PTPRD: variants seen among roughly 807,000 people sequenced by gnomAD.
PTPRD encodes the protein protein tyrosine phosphatase receptor type D.
In PTPRD, 34 loss-of-function variants were observed where a neutral mutation model predicts 214.5. That is an observed-to-expected ratio of 0.16 (90% CI 0.12 to 0.21). The LOEUF is 0.21. Ranked by LOEUF, PTPRD falls within the 10% of genes least tolerant of loss-of-function variation. The probability of loss-of-function intolerance (pLI) is 1.00; values close to 1 mark genes in which losing one functional copy is unlikely to be tolerated. For missense variants in PTPRD, 2,545 were observed against 2,398.7 expected, an observed-to-expected ratio of 1.06 and a Z score of -1.27; for synonymous variants, 1,128 against 845.7, an observed-to-expected ratio of 1.33 and a Z score of -5.79.
intron 2 of PTPRD, among the ~76,000 whole-genome samples, chr9:10,431,210 G>C (rs647173): frequency 0.018 from 2,675 of 152,016 alleles, 74 homozygotes; most frequent in African/African-American, 0.06. Context: ...CTGTTTGAAA[G>C]GTTTCTTTCC....
chr9:9,867,447 C>T (rs1297348259), intron 5 of PTPRD, among the ~76,000 whole-genome samples: 1 of 151,764 alleles, frequency 6.6e-6, no homozygotes, highest in South Asian at 2.1e-4. Context: ...AGATATTCTG[C>T]ATGATTAAAT....
chr9:8,823,594 T>G (rs1323944897), intron 11 of PTPRD, among the ~76,000 whole-genome samples: 1 of 151,222 alleles, frequency 6.6e-6, no homozygotes, highest in Non-Finnish European at 1.5e-5. Context: ...GAGACTGCAG[T>G]GAGCTGTGAT....
intron 3 of PTPRD, among the ~76,000 whole-genome samples, chr9:10,226,819 T>C (rs2099590417): frequency 2.0e-5 from 3 of 152,056 alleles, no homozygotes; most frequent in Admixed American, 1.3e-4. Context: ...CTCTAACTTA[T>C]GTTTTTTCCA....
intron 2 of PTPRD, among the ~76,000 whole-genome samples, chr9:10,373,031 C>A (rs190684833): frequency 6.6e-6 from 1 of 151,214 alleles, no homozygotes; most frequent in African/African-American, 2.4e-5. Context: ...CAGGGTTTCA[C>A]CATGCCAACC....
intron 2 of PTPRD, among the ~76,000 whole-genome samples, chr9:10,398,944 G>A (rs917257543): frequency 3.3e-5 from 5 of 151,908 alleles, no homozygotes; most frequent in African/African-American, 7.2e-5. Flanking sequence ...GCCAAAAATT[G>A]TGCTTGATTA....
At chr9:8,713,526 G>T in intron 12 of PTPRD, 1 of 1,234,782 alleles carries the variant, frequency 8.1e-7, no homozygotes, top group South Asian at 1.2e-5. Flanking sequence ...AGAAGTCCCC[G>T]CTGCGGGTGA....
At chr9:8,665,604 T>C (rs2154358571) in intron 12 of PTPRD, among the ~76,000 whole-genome samples, 1 of 152,306 alleles carries the variant, frequency 6.6e-6, no homozygotes, top group South Asian at 2.1e-4. Flanking sequence ...AGAGTTGTGA[T>C]GTTACTTTTC....
chr9:9,734,464 C>A (rs558017918), intron 7 of PTPRD, 69 bp downstream of exon 7: 1 of 151,490 alleles, frequency 6.6e-6, no homozygotes, highest in Non-Finnish European at 1.5e-5. Context: ...AAAACATACT[C>A]CAAGGAATAG....
intron 2 of PTPRD, among the ~76,000 whole-genome samples, chr9:10,500,727 A>G (rs2043407929): frequency 6.6e-6 from 1 of 151,624 alleles, no homozygotes; most frequent in Non-Finnish European, 1.5e-5. Context: ...CTCTTGTAAC[A>G]ATCCTACTCT....
At chr9:9,111,113 G>A (rs2099805341) in intron 10 of PTPRD, among the ~76,000 whole-genome samples, 1 of 151,080 alleles carries the variant, frequency 6.6e-6, no homozygotes, top group Admixed American at 6.6e-5. Flanking sequence ...TCTAGGTCAG[G>A]AACATCTGAC....
chr9:10,592,918 G>T (rs1265954956), intron 2 of PTPRD, among the ~76,000 whole-genome samples: 1 of 151,904 alleles, frequency 6.6e-6, no homozygotes, highest in African/African-American at 2.4e-5. Flanking sequence ...ACCTGCTCTT[G>T]TCCCCTTCCA....
intron 3 of PTPRD, among the ~76,000 whole-genome samples, chr9:10,325,928 A>G (rs1361617670): frequency 1.3e-5 from 2 of 151,908 alleles, no homozygotes; most frequent in East Asian, 3.9e-4. Context: ...CCACTGTAAT[A>G]ATTTTTTTAT....
chr9:9,985,413 T>C (rs1431854717), intron 4 of PTPRD, among the ~76,000 whole-genome samples: 1 of 152,220 alleles, frequency 6.6e-6, no homozygotes, highest in Non-Finnish European at 1.5e-5. Context: ...ATTACTACTC[T>C]GCCAGATATG....
At chr9:9,887,112 T>C (rs1452921314) in intron 5 of PTPRD, among the ~76,000 whole-genome samples, 1 of 152,140 alleles carries the variant, frequency 6.6e-6, no homozygotes, top group Non-Finnish European at 1.5e-5. Context: ...GGAAACACAG[T>C]GACTTACACA....
At position 9,651,826 on chromosome 9, in the gene PTPRD, G is replaced by GTTTTTTT. The variant is rs869105633; in HGVS notation, c.-286-77052_-286-77046dup. ...CTGCCTTTGTATTTATTCAAGGTTTGTTTTTTTTTTTTTTTTTTTTTTTTT... is the reference window on the plus strand; with the variant it reads ...CTGCCTTTGTATTTATTCAAGGTTTGTTTTTTTTTTTTTTTTTTTTTTTTTTTTTTTT... On this transcript the variant is annotated intron_variant, in intron 7 of 45. Coordinates refer to ENST00000381196, the MANE Select transcript of PTPRD (RefSeq NM_002839.4). Among the ~76,000 whole-genome samples, 51 of 55,082 alleles carry GTTTTTTT rather than the reference G, an allele frequency of 9.3e-4. 4 individuals are homozygous for GTTTTTTT. The highest frequency in any genetic ancestry group is 1.3e-3 in the Non-Finnish European group (36 of 28,776). 36.1% of individuals were successfully genotyped at this position (55,082 alleles called of 152,430 possible). A position where few individuals can be genotyped will look rare whatever the true frequency, so the allele number is the denominator to read the frequency against.
At chr9:9,766,706 A>G (rs1374379601) in intron 6 of PTPRD, 104 bp downstream of exon 6, 1 of 152,310 alleles carries the variant, frequency 6.6e-6, no homozygotes, top group African/African-American at 2.4e-5. Context: ...TGCATGTCCC[A>G]TGATACCGTA....
chr9:8,497,068 ACAAAACAAAAAC>A (rs1212468553), intron 26 of PTPRD, among the ~76,000 whole-genome samples, 162 bp downstream of exon 26: 1 of 152,232 alleles, frequency 6.6e-6, no homozygotes, highest in Non-Finnish European at 1.5e-5. Context: ...TGCTGATTTC[ACAAAACAAAAAC>A]CAAAATAAAA....
At chr9:9,726,649 A>C (rs1385102641) in intron 7 of PTPRD, among the ~76,000 whole-genome samples, 1 of 152,192 alleles carries the variant, frequency 6.6e-6, no homozygotes, top group Non-Finnish European at 1.5e-5. Flanking sequence ...CCAATTCAGC[A>C]TCAACTAGAA....
chr9:9,757,393 G>A (rs1444285420), intron 6 of PTPRD, among the ~76,000 whole-genome samples: 1 of 152,118 alleles, frequency 6.6e-6, no homozygotes, highest in Non-Finnish European at 1.5e-5. Context: ...GCTTAAATAA[G>A]TCTTTCATAA....
Sources: gnomAD v4.1 joint callset for allele counts (sites outside exome capture counted in the v4.1 genomes callset) on GRCh38, gnomAD v4.1.1 for gene constraint, MANE v1.5 for transcripts, NCBI Gene and HGNC (gene_info 2026-07-23, HGNC 2026-07-21) for gene names.